Variants in FLT3LG observed in about 807,000 individuals in gnomAD.
The protein encoded by FLT3LG is fms-related tyrosine kinase 3 ligand.
FLT3LG carries 8 observed loss-of-function variants against 30.9 expected under a neutral mutation model. That is an observed-to-expected ratio of 0.26 (90% CI 0.15 to 0.47). FLT3LG has a LOEUF of 0.47. FLT3LG is among the 20% of genes least tolerant of loss of function. The pLI, the probability that FLT3LG is intolerant of heterozygous loss-of-function variation, is 0.99. For missense variants in FLT3LG, 278 were observed against 306.2 expected (o/e 0.91, Z 0.69); for synonymous variants, 123 against 135.9 (o/e 0.91, Z 0.66).
chr19:49,474,707 G>A (rs1308197951), intron 2 of FLT3LG, 35 bp downstream of exon 2: 2 of 1,607,700 alleles, frequency 1.2e-6, no homozygotes. Context: ...CAGGGGAGAG[G>A]GGAGGCACAA....
chr19:49,483,979 G>C (rs1192401731), intron 8 of FLT3LG, among the ~76,000 whole-genome samples: 1 of 151,084 alleles, frequency 6.6e-6, no homozygotes, highest in Non-Finnish European at 1.5e-5. Flanking sequence ...CCGCCTCCCG[G>C]GTTCAAGTGA....
chr19:49,474,223 T>C lies in FLT3LG; in HGVS notation c.-96T>C, dbSNP rs2079296945. ...TCTCCCCCCAAAAATTTCCTTTCAC[T>C]TTCGGTCTCTGGCTGTCACCCGGCT... On this transcript the variant is annotated 5_prime_UTR_variant, in exon 1 of 9. Transcript: ENST00000597551. 4.7e-6 allele frequency: 1 copy of C among 214,888 alleles called. No individual in the cohort carries two copies. The allele number at this position is 214,888 out of a possible 1,614,324, so 13.3% of individuals were successfully genotyped here. A position where few individuals can be genotyped will look rare whatever the true frequency, so the allele number is the denominator to read the frequency against.
Position 49,478,954 on chromosome 19 carries a change from C to G in FLT3LG, c.388C>G (p.Leu130Val), listed in dbSNP as rs2079496910. Residue 130 changes from leucine to valine, a missense_variant, in exon 6 of 9, where the codon CTC becomes GTC. Transcript: ENST00000597551. Reference protein sequence around the residue: ...LRFVQTNISRLLQETSEQLVA... With the variant: ...LRFVQTNISRVLQETSEQLVA... Reference sequence around the variant, plus strand: ...CTTCGTCCAGACCAACATCTCCCGCCTCCTGCAGGAGACCTCCGAGCAGCT... The same window carrying G: ...CTTCGTCCAGACCAACATCTCCCGCGTCCTGCAGGAGACCTCCGAGCAGCT... 1 of 1,575,546 alleles carries G rather than the reference C, an allele frequency of 6.3e-7. No individual in the cohort carries two copies. The highest frequency in any genetic ancestry group is 1.4e-5 in the African/African-American group (1 of 73,418).
intron 3 of FLT3LG, 119 bp downstream of exon 3, chr19:49,475,920 A>C (rs950769841): frequency 2.2e-5 from 24 of 1,076,630 alleles, no homozygotes; most frequent in Non-Finnish European, 3.2e-5. Flanking sequence ...TCCTGGGCTC[A>C]AGCGATCCTC....
Position 49,479,049 on chromosome 19 carries a change from TA to T in FLT3LG, c.481+5del. 1 of 1,605,876 alleles carries T rather than the reference TA, an allele frequency of 6.2e-7. No individual in the cohort carries two copies. The highest frequency in any genetic ancestry group is 1.1e-5 in the South Asian group (1 of 89,502). On this transcript the variant is annotated splice_donor_region_variant and intron_variant, in intron 6 of 8. Coordinates refer to ENST00000597551, the MANE Select transcript of FLT3LG (RefSeq NM_001459.4). ...GCCTGGAGCTGCAGTGTCAGCCCGG[TA>T]AAGGCTTCCAGGCACCCCCACTCCT...
intron 2 of FLT3LG, 159 bp from the exon 3 acceptor site, chr19:49,475,532 A>G (rs59269605): frequency 0.13 from 118,444 of 937,146 alleles, 15,350 homozygotes; most frequent in African/African-American, 0.6. Flanking sequence ...CGGGAAAGAC[A>G]GGCAGAGATG....
At chr19:49,474,565 C>T (rs1478578059) in intron 1 of FLT3LG, 38 bp from the exon 2 acceptor site, 1 of 1,487,524 alleles carries the variant, frequency 6.7e-7, no homozygotes, top group Non-Finnish European at 9.3e-7. Flanking sequence ...GGGGCTGGGG[C>T]ATGAGGGTCC....
chr19:49,484,533 A>G (rs538982693), intron 8 of FLT3LG, among the ~76,000 whole-genome samples: 47 of 148,744 alleles, frequency 3.2e-4, no homozygotes, highest in African/African-American at 1.1e-3. Flanking sequence ...GTCTCACTCT[A>G]TTGCCCAGGC....
At chr19:49,479,832 T>G (rs1289218924) in intron 6 of FLT3LG, 2 of 139,402 alleles carry the variant, frequency 1.4e-5, no homozygotes, top group South Asian at 1.9e-4. Context: ...TAAGTCGGAG[T>G]CTTGCTCTGT....
In FLT3LG at chr19:49,479,697, G is replaced by A. The variant is rs180754714; in HGVS notation, c.482-601G>A. Reference sequence around the variant, plus strand: ...TTTTTTTTGTATTTTTAGTAGAGACGGTGTTTCACCGTGTCAGCCAGGATG... The same window carrying A: ...TTTTTTTTGTATTTTTAGTAGAGACAGTGTTTCACCGTGTCAGCCAGGATG... On this transcript the variant is annotated intron_variant, in intron 6 of 8. Transcript: ENST00000597551. The A allele has an allele frequency of 6.6e-3, 1,234 of 187,910 alleles. 12 individuals are homozygous for A. Among genetic ancestry groups the A allele is most frequent in the Non-Finnish European group, 7.4e-3 (642 of 86,978 alleles). 11.6% of individuals were successfully genotyped at this position (187,910 alleles called of 1,614,324 possible).
Position 49,476,005 on chromosome 19 carries a change from G to A in FLT3LG, c.145-140G>A, listed in dbSNP as rs963502395. The A allele has an allele frequency of 8.2e-6, 9 of 1,096,216 alleles. No homozygotes were observed. Among genetic ancestry groups the A allele is most frequent in the Non-Finnish European group, 1.2e-5 (9 of 725,496 alleles). 67.9% of individuals were successfully genotyped at this position (1,096,216 alleles called of 1,614,324 possible). A position where few individuals can be genotyped will look rare whatever the true frequency, so the allele number is the denominator to read the frequency against. ...TTAGGGGTGTCATCCCTTTTTAAGG[G>A]CAAGGTTCTGTGGCTTCTTCTGGGC... On this transcript the variant is annotated intron_variant, in intron 3 of 8. Transcript: ENST00000597551. This position sits in a 1 kb window ranked among gnomAD's most constrained non-coding sequence, Gnocchi z 5.3.
chr19:49,475,533 G>A (rs2079360988), intron 2 of FLT3LG, 158 bp from the exon 3 acceptor site: 8 of 954,574 alleles, frequency 8.4e-6, no homozygotes, highest in Non-Finnish European at 1.1e-5. Flanking sequence ...GGGAAAGACA[G>A]GCAGAGATGG....
At chr19:49,481,883 G>A (rs1005446519) in intron 8 of FLT3LG, 1 of 151,936 alleles carries the variant, frequency 6.6e-6, no homozygotes, top group African/African-American at 2.4e-5. Context: ...AGTAGAGATG[G>A]GGTTTCGCCA....
intron 6 of FLT3LG, 121 bp from the exon 7 acceptor site, chr19:49,480,177 C>T: frequency 1.5e-6 from 1 of 666,872 alleles, no homozygotes; most frequent in East Asian, 2.7e-5. Flanking sequence ...GATGAGCAAA[C>T]TGAGGCACAG....
At chr19:49,485,251 T>C (rs2079764901) in intron 8 of FLT3LG, among the ~76,000 whole-genome samples, 1 of 146,026 alleles carries the variant, frequency 6.8e-6, no homozygotes, top group South Asian at 2.1e-4. Flanking sequence ...TTTTTTTCTT[T>C]TTTTTTTTTT....
Position 49,476,036 on chromosome 19 carries a change from CT to C in FLT3LG, c.145-108del. 1 of 1,290,976 alleles carries C rather than the reference CT, an allele frequency of 7.7e-7. No individual in the cohort carries two copies. The highest frequency in any genetic ancestry group is 1.2e-5 in the South Asian group (1 of 84,186). 80.0% of individuals were successfully genotyped at this position (1,290,976 alleles called of 1,614,324 possible). A position where few individuals can be genotyped will look rare whatever the true frequency, so the allele number is the denominator to read the frequency against. On this transcript the variant is annotated intron_variant, in intron 3 of 8. Transcript: ENST00000597551. This position sits in a 1 kb window ranked among gnomAD's most constrained non-coding sequence, Gnocchi z 5.3. ...TTCTGTGGCTTCTTCTGGGCTCCCC[CT>C]CTCTTGGTCTTGTCCCTCTCTCTCT...
In FLT3LG at chr19:49,480,370, C is replaced by T. The variant is rs2079560221; in HGVS notation, c.554C>T (p.Pro185Leu). Residue 185 changes from proline (P) to leucine (L), a missense_variant, in exon 7 of 9, where the codon CCT (proline) becomes CTT (leucine). Pro to Leu is a moderately conservative substitution (Grantham distance 98). Around this residue, in one of 3 missense-constraint regions of FLT3LG, gnomAD observed 170 missense variants for 162.0 expected, o/e 1.05. Transcript: ENST00000597551. ...ACAGCCCCGACAGCCCCGCAGCCCC[C>T]TCTGCTCCTCCTACTGCTGCTGCCC... ...EATAPTAPQP[P>L]LLLLLLLPVG... The T allele has an allele frequency of 3.1e-6, 5 of 1,610,436 alleles. No homozygotes were observed. In the South Asian group the frequency reaches 5.5e-5, roughly 18 times the overall value.
At chr19:49,484,503 G>C (rs1202957595) in intron 8 of FLT3LG, among the ~76,000 whole-genome samples, 1 of 150,840 alleles carries the variant, frequency 6.6e-6, no homozygotes, top group African/African-American at 2.4e-5. Context: ...TTTTGTTGTT[G>C]TTGTTGTTTT....
chr19:49,484,606 A>C lies in FLT3LG; in HGVS notation c.*22-1409A>C, dbSNP rs905476349. Reference sequence around the variant, plus strand: ...CTGCCTCCCGGGTTCAAGCGATTCTACTGCCTCAGCCTCCTGAGTAGCTGG... The same window carrying C: ...CTGCCTCCCGGGTTCAAGCGATTCTCCTGCCTCAGCCTCCTGAGTAGCTGG... On this transcript the variant is annotated intron_variant, in intron 8 of 8. Transcript: ENST00000597551. Among the ~76,000 whole-genome samples the C allele has an allele frequency of 1.5e-4, 22 of 150,906 alleles. No individual in the cohort carries two copies. The South Asian group carries it at 1.9e-3, about 13-fold the overall frequency.
Sources: gnomAD v4.1 joint callset for allele counts (sites outside exome capture counted in the v4.1 genomes callset) on GRCh38, gnomAD v4.1.1 for gene constraint, gnomAD v4.1.1 regional missense constraint, Gnocchi (gnomAD v3.1) non-coding constraint, MANE v1.5 for transcripts, NCBI Gene and HGNC (gene_info 2026-07-23, HGNC 2026-07-21) for gene names.